Variants in MSMO1 observed in about 807,000 individuals in gnomAD.
The protein encoded by MSMO1 is C-4 methylsterol oxidase.
A neutral mutation model predicts 30.4 loss-of-function variants in MSMO1; 18 were observed. The ratio of observed to expected loss-of-function variants is 0.59; its 90% CI spans 0.41 to 0.88. The LOEUF (loss-of-function observed/expected upper bound fraction) is 0.88. Ranked by LOEUF, MSMO1 falls within the 40% of genes least tolerant of loss-of-function variation. MSMO1 has a pLI of 0.00. For synonymous variants in MSMO1, 84 were observed against 107.9 expected, an observed-to-expected ratio of 0.78 and a Z score of 1.37; for missense variants, 284 against 340.5, an observed-to-expected ratio of 0.83 and a Z score of 1.31.
intron 2 of MSMO1, among the ~76,000 whole-genome samples, chr4:165,335,083 G>A (rs1318410568): frequency 1.3e-5 from 2 of 152,146 alleles, no homozygotes; most frequent in Admixed American, 1.3e-4. Flanking sequence ...ATTCGTGTAG[G>A]TTATGTCAAA....
chr4:165,332,487 T>A (rs1287465327), intron 1 of MSMO1, among the ~76,000 whole-genome samples: 2 of 152,246 alleles, frequency 1.3e-5, no homozygotes, highest in African/African-American at 2.4e-5. Flanking sequence ...GATCTGTCTT[T>A]GTACCCTTGA....
At chr4:165,328,629 T>A (rs138277930) in intron 1 of MSMO1, among the ~76,000 whole-genome samples, 1,760 of 152,284 alleles carry the variant, frequency 0.012, 32 homozygotes, top group East Asian at 0.095. Flanking sequence ...ACTAAATTTA[T>A]CTAGTCAACC....
intron 1 of MSMO1, chr4:165,328,116 G>C (rs1420899759): frequency 6.6e-6 from 1 of 152,364 alleles, no homozygotes; most frequent in Non-Finnish European, 1.5e-5. Flanking sequence ...GGAACCACTA[G>C]AAGGAGGTAA....
intron 3 of MSMO1, 147 bp from the exon 4 acceptor site, chr4:165,338,505 A>C: frequency 1.5e-6 from 1 of 670,856 alleles, no homozygotes; most frequent in Non-Finnish European, 2.6e-6. Context: ...TGGTTTTGAG[A>C]ATTTATTTAT....
Position 165,335,077 on chromosome 4 carries a change from G to A in MSMO1, c.255+1452G>A, listed in dbSNP as rs569778797. ...TGATTTAAAGTATACGAGAGGATTCGTGTAGGTTATGTCAAATACTATGTC... is the reference window on the plus strand; with the variant it reads ...TGATTTAAAGTATACGAGAGGATTCATGTAGGTTATGTCAAATACTATGTC... On this transcript the variant is annotated intron_variant, in intron 2 of 5. Transcript: ENST00000261507. Among the ~76,000 whole-genome samples the A allele has an allele frequency of 3.3e-5, 5 of 152,266 alleles. No homozygotes were observed. In the South Asian group the frequency reaches 1.0e-3, roughly 32 times the overall value.
At chr4:165,332,250 C>T (rs1377722639) in intron 1 of MSMO1, among the ~76,000 whole-genome samples, 2 of 152,188 alleles carry the variant, frequency 1.3e-5, no homozygotes, top group African/African-American at 4.8e-5. Flanking sequence ...GGGGCTCTTG[C>T]TATGCATACT....
At chr4:165,335,588 C>A (rs1400675336) in intron 2 of MSMO1, among the ~76,000 whole-genome samples, 3 of 152,168 alleles carry the variant, frequency 2.0e-5, no homozygotes, top group Non-Finnish European at 2.9e-5. Flanking sequence ...GTATGGCTGG[C>A]CAGGCAAAAG....
chr4:165,336,441 AT>A (rs1309260329), intron 2 of MSMO1, among the ~76,000 whole-genome samples: 1 of 152,188 alleles, frequency 6.6e-6, no homozygotes, highest in African/African-American at 2.4e-5. Context: ...TTTGTAACTA[AT>A]TTATGTATAC....
intron 4 of MSMO1, among the ~76,000 whole-genome samples, chr4:165,339,420 A>T (rs866709615): frequency 6.6e-6 from 1 of 152,086 alleles, no homozygotes; most frequent in South Asian, 2.1e-4. Context: ...AATTGCTTTG[A>T]TGTAGCTTTG....
intron 1 of MSMO1, among the ~76,000 whole-genome samples, chr4:165,331,962 C>G (rs1238538485): frequency 6.6e-6 from 1 of 150,990 alleles, no homozygotes; most frequent in Non-Finnish European, 1.5e-5. Context: ...TCTCCCCTAC[C>G]CCGTCGCCAC....
intron 5 of MSMO1, 117 bp from the exon 6 acceptor site, chr4:165,341,634 T>G: frequency 1.2e-6 from 1 of 866,614 alleles, no homozygotes; most frequent in Non-Finnish European, 1.9e-6. Flanking sequence ...AATAAAGTGG[T>G]CTAGGCAAAG....
chr4:165,340,492 T>C (rs1233556573), intron 5 of MSMO1, 117 bp downstream of exon 5: 12 of 856,228 alleles, frequency 1.4e-5, no homozygotes, highest in South Asian at 6.1e-5. Flanking sequence ...CTTAATGTTA[T>C]ATTAAGAAAA....
At chr4:165,332,987 C>A (rs1051184628) in intron 1 of MSMO1, among the ~76,000 whole-genome samples, 1 of 152,096 alleles carries the variant, frequency 6.6e-6, no homozygotes, top group Non-Finnish European at 1.5e-5. Context: ...TTAAGTGATA[C>A]TTTTAAACCC....
chr4:165,329,222 TTC>T (rs746392957), intron 1 of MSMO1, among the ~76,000 whole-genome samples: 53 of 152,252 alleles, frequency 3.5e-4, no homozygotes, highest in Non-Finnish European at 6.2e-4. Flanking sequence ...GGAGTTGCTG[TTC>T]TCTCTATGCA....
intron 2 of MSMO1, among the ~76,000 whole-genome samples, chr4:165,337,549 A>G (rs566959760): frequency 4.6e-5 from 7 of 152,336 alleles, no homozygotes; most frequent in Non-Finnish European, 8.8e-5. Context: ...TATTCATTCC[A>G]TAGTGTTTCT....
In MSMO1 at chr4:165,341,826, C is replaced by G. The variant is rs1397753595; in HGVS notation, c.762C>G (p.His254Gln). 1 of 1,613,476 alleles carries G rather than the reference C, an allele frequency of 6.2e-7. No homozygotes were observed. Among genetic ancestry groups the G allele is most frequent in the Admixed American group, 1.7e-5 (1 of 60,016 alleles). The change falls in exon 6 of 6, where the codon CAC becomes CAG. Residue 254 changes from histidine to glutamine, a missense_variant. By Grantham distance (24) the His-to-Gln change is conservative (BLOSUM62 0). Transcript: ENST00000261507. ...GTTCTCGGCATCATGATTTCCACCA[C>G]ATGAACTTCATTGGAAACTATGCTT... ...YAGSRHHDFH[H>Q]MNFIGNYAST...
chr4:165,341,521 C>T (rs994534647), intron 5 of MSMO1, among the ~76,000 whole-genome samples: 4 of 151,772 alleles, frequency 2.6e-5, no homozygotes, highest in Non-Finnish European at 4.4e-5. Flanking sequence ...TATATTTTAT[C>T]ATAAAATAAA....
At chr4:165,333,269 T>A (rs1747448420) in intron 1 of MSMO1, 71 bp from the exon 2 acceptor site, 1 of 1,244,490 alleles carries the variant, frequency 8.0e-7, no homozygotes, top group Non-Finnish European at 1.1e-6. Flanking sequence ...GATCAGAGGA[T>A]GCATTTTTTA....
intron 2 of MSMO1, among the ~76,000 whole-genome samples, chr4:165,333,913 T>C (rs1271505163): frequency 6.6e-6 from 1 of 152,124 alleles, no homozygotes; most frequent in Non-Finnish European, 1.5e-5. Context: ...GAGGATTGCT[T>C]GAGGCCAGGA....
Sources: gnomAD v4.1 joint callset for allele counts (sites outside exome capture counted in the v4.1 genomes callset) on GRCh38, gnomAD v4.1.1 for gene constraint, MANE v1.5 for transcripts, NCBI Gene and HGNC (gene_info 2026-07-23, HGNC 2026-07-21) for gene names.